The following COL5A3 variants were observed in gnomAD, a reference collection of about 807,000 sequenced individuals.
COL5A3 encodes collagen type V alpha 3 chain, also known as collagen alpha-3(V) chain.
Under a neutral mutation model 250.0 loss-of-function variants are expected in COL5A3, and 172 were observed. That is an observed-to-expected ratio of 0.69 (90% CI 0.61 to 0.78). The LOEUF (loss-of-function observed/expected upper bound fraction) is 0.78. COL5A3 is among the 30% of genes least tolerant of loss of function. COL5A3 has a pLI of 0.00. For synonymous variants in COL5A3, 937 were observed against 900.4 expected, an observed-to-expected ratio of 1.04 and a Z score of -0.73; for missense variants, 2,340 against 2,334.4, an observed-to-expected ratio of 1.00 and a Z score of -0.05.
intron 1 of COL5A3, among the ~76,000 whole-genome samples, chr19:10,007,391 C>T (rs992063594): frequency 6.6e-6 from 1 of 152,258 alleles, no homozygotes; most frequent in African/African-American, 2.4e-5. Context: ...CTGACCCTCT[C>T]CCTCTTTCAT....
intron 54 of COL5A3, among the ~76,000 whole-genome samples, 190 bp downstream of exon 54, chr19:9,970,427 GTGAGT>G: frequency 1.3e-5 from 1 of 75,184 alleles, no homozygotes; most frequent in Non-Finnish European, 2.6e-5. Context: ...GGGCTGTAAG[GTGAGT>G]GGGGTCTGTG....
chr19:9,983,781 G>A (rs1249675967), intron 31 of COL5A3, among the ~76,000 whole-genome samples: 3 of 151,092 alleles, frequency 2.0e-5, no homozygotes, highest in Non-Finnish European at 4.4e-5. Context: ...AGGAAGAAAG[G>A]AGGAAGGAAG....
chr19:9,976,360 C>T lies in COL5A3; in HGVS notation c.3342+198G>A, dbSNP rs117800714. Among the ~76,000 whole-genome samples, 23 of 150,322 alleles carry T rather than the reference C, an allele frequency of 1.5e-4. 1 individual carries two copies. The East Asian group carries it at 3.9e-3, about 25-fold the overall frequency. ...CTGAGGGTGAGTTCATATTGAGTGT[C>T]GGTATTGAGGGGACAACATGGTTGG... is the stretch of plus-strand genomic sequence containing the variant. On this transcript the variant is annotated intron_variant, in intron 45 of 66. Coordinates refer to ENST00000264828, the MANE Select transcript of COL5A3 (RefSeq NM_015719.4).
rs749890637 is a variant in COL5A3, at chr19:9,960,255, C to G, written c.*156G>C. On this transcript the variant is annotated 3_prime_UTR_variant, in exon 67 of 67. Transcript: ENST00000264828. ...CCAGGGAACCCCAGCCCCCAGCACC[C>G]TGGAAAGGAGAAGGAATGACTGTCC... 6.3e-6 allele frequency: 6 copies of G among 946,050 alleles called. No individual in the cohort carries two copies. Among genetic ancestry groups the G allele is most frequent in the Non-Finnish European group, 9.4e-6 (6 of 639,554 alleles). 58.6% of individuals were successfully genotyped at this position (946,050 alleles called of 1,614,324 possible).
chr19:10,010,225 C>G, intron 1 of COL5A3, 73 bp downstream of exon 1: 1 of 1,114,664 alleles, frequency 9.0e-7, no homozygotes, highest in Non-Finnish European at 1.2e-6. Flanking sequence ...CCTCCACCCC[C>G]CTCCACCCCT....
chr19:9,967,672 T>C, intron 61 of COL5A3: 9 of 549,902 alleles, frequency 1.6e-5, no homozygotes, highest in Non-Finnish European at 3.1e-6. Flanking sequence ...AGTCATAGTT[T>C]ACTTGGCAGA....
At chr19:9,969,453 G>A (rs1599531304) in intron 56 of COL5A3, 51 bp from the exon 57 acceptor site, 1 of 1,596,450 alleles carries the variant, frequency 6.3e-7, no homozygotes, top group Non-Finnish European at 8.5e-7. Context: ...AGAACACAGT[G>A]TGGACCCCCC....
chr19:9,967,519 T>A (rs1290801912), intron 61 of COL5A3, 119 bp from the exon 62 acceptor site: 31 of 718,744 alleles, frequency 4.3e-5, no homozygotes, highest in Non-Finnish European at 6.4e-5. Flanking sequence ...TCTCACACAC[T>A]CACATACACA....
At chr19:10,006,704 T>A (rs1450638278) in intron 1 of COL5A3, among the ~76,000 whole-genome samples, 3 of 151,672 alleles carry the variant, frequency 2.0e-5, no homozygotes, top group Non-Finnish European at 4.4e-5. Flanking sequence ...TTGACCACCA[T>A]CACCCACAAC....
In COL5A3 at chr19:9,979,221, C is replaced by T. The variant is rs2086968922; in HGVS notation, c.2785G>A (p.Gly929Arg). 18 of 1,607,698 alleles carry T rather than the reference C, an allele frequency of 1.1e-5. No homozygotes were observed. Among genetic ancestry groups the T allele is most frequent in the Non-Finnish European group, 1.5e-5 (18 of 1,177,808 alleles). Residue 929 changes from glycine to arginine, a missense_variant, in exon 39 of 67, where the codon GGA becomes AGA. By Grantham distance (125) the Gly-to-Arg change is moderately radical (BLOSUM62 -2). Coordinates refer to ENST00000264828, the MANE Select transcript of COL5A3 (RefSeq NM_015719.4). ...LGPQGKTGEV[G>R]PLGERGPPGP... ...GGAGGCCCCCTTTCACCTAGAGGTC[C>T]CACTTCTCCTGTCTTTCCCTGGTGA...
chr19:10,006,303 T>A, intron 1 of COL5A3, 72 bp from the exon 2 acceptor site: 1 of 1,421,918 alleles, frequency 7.0e-7, no homozygotes, highest in South Asian at 1.4e-5. Flanking sequence ...GACTCCAGGA[T>A]AGAGGCTCAG....
In COL5A3 at chr19:9,973,804, A is replaced by C; in HGVS notation, c.3564T>G (p.Thr1188=). The C allele has an allele frequency of 6.2e-7, 1 of 1,613,924 alleles. No homozygotes were observed. The highest frequency in any genetic ancestry group is 8.5e-7 in the Non-Finnish European group (1 of 1,179,932). ...GACCAACTCCTCCAGGCAGCCCTGG[A>C]GTGCCCTGGAGAGACAGCAAGGGGT... is the stretch of plus-strand genomic sequence containing the variant. ...GPQGPTGSEG[T]PGLPGGVGQP... is the part of the protein sequence containing the mutation. The change falls in exon 49 of 67, where the codon ACT becomes ACG. Residue 1188 remains threonine, a synonymous_variant. Transcript: ENST00000264828.
chr19:9,983,606 G>GAA lies in COL5A3; in HGVS notation c.2407-1489_2407-1488insTT, dbSNP rs371406917. On this transcript the variant is annotated intron_variant, in intron 31 of 66. Transcript: ENST00000264828. ...AAAGAAAGAAAGAAAGAAAGAGAAA[G>GAA]AGAGAGAGAGAGAAAGAAAGAAAGA... Among the ~76,000 whole-genome samples, 130 of 115,680 alleles carry GAA rather than the reference G, an allele frequency of 1.1e-3. 1 individual carries two copies. The highest frequency in any genetic ancestry group is 3.7e-3 in the African/African-American group (115 of 31,350). 75.9% of individuals were successfully genotyped at this position (115,680 alleles called of 152,430 possible).
chr19:9,968,881 G>A lies in COL5A3; in HGVS notation c.4153-153C>T, dbSNP rs1232918819. On this transcript the variant is annotated intron_variant, in intron 57 of 66. Coordinates refer to ENST00000264828, the MANE Select transcript of COL5A3 (RefSeq NM_015719.4). The surrounding 1 kb of genome is among the most constrained non-coding windows in gnomAD (Gnocchi z 4.1). ...GGGATGGTCAGAGTAGGCCACCAAG[G>A]TGGGATGATGAGAGCTAATGAGGGG... The A allele has an allele frequency of 5.6e-6, 4 of 709,664 alleles. No homozygotes were observed. 44.0% of individuals were successfully genotyped at this position (709,664 alleles called of 1,614,324 possible). A position where few individuals can be genotyped will look rare whatever the true frequency, so the allele number is the denominator to read the frequency against.
At chr19:9,971,577 T>TCATC (rs374895359) in intron 51 of COL5A3, among the ~76,000 whole-genome samples, 2,737 of 152,072 alleles carry the variant, frequency 0.018, 83 homozygotes, top group African/African-American at 0.063. Context: ...ATTCATTCAT[T>TCATC]CATCCATCCA....
intron 62 of COL5A3, among the ~76,000 whole-genome samples, chr19:9,966,991 C>T (rs2086758139): frequency 6.6e-6 from 1 of 151,728 alleles, no homozygotes; most frequent in African/African-American, 2.4e-5. Flanking sequence ...AGAGAAAGCG[C>T]AAGAATAGCA....
intron 8 of COL5A3, among the ~76,000 whole-genome samples, chr19:10,000,589 C>T (rs2145136439): frequency 6.6e-6 from 1 of 151,472 alleles, no homozygotes; most frequent in Middle Eastern, 3.4e-3. Flanking sequence ...TGAGCCACTG[C>T]CCCCGGCCCA....
intron 30 of COL5A3, 109 bp from the exon 31 acceptor site, chr19:9,986,004 G>GA (rs201986427): frequency 0.059 from 58,578 of 992,140 alleles, 2,226 homozygotes; most frequent in African/African-American, 0.14. Flanking sequence ...TGGGAGTTGG[G>GA]GAAACGAGGT....
rs2011202 is a variant in COL5A3, at chr19:10,009,518, C to T, written c.88+780G>A. On this transcript the variant is annotated intron_variant, in intron 1 of 66. Coordinates refer to ENST00000264828, the MANE Select transcript of COL5A3 (RefSeq NM_015719.4). This position sits in a 1 kb window ranked among gnomAD's most constrained non-coding sequence, Gnocchi z 4.4. ...AGGGGGGGAGCAACTTCCACTCCTG[C>T]CCCGCCCTGCGCCCCGCCCCGTCTC... 0.15 allele frequency among the ~76,000 whole-genome samples: 23,304 copies of T among 151,860 alleles called. 1,915 individuals carry two copies. Among genetic ancestry groups the T allele is most frequent in the Middle Eastern group, 0.23 (69 of 294 alleles).
Sources: allele counts gnomAD v4.1 joint callset (sites outside exome capture counted in the v4.1 genomes callset), GRCh38; gene constraint gnomAD v4.1.1; non-coding constraint Gnocchi (gnomAD v3.1); transcripts MANE v1.5; gene names NCBI Gene and HGNC (gene_info 2026-07-23, HGNC 2026-07-21).